Variants in CEP63 observed in about 807,000 individuals in gnomAD.
CEP63 encodes the protein centrosomal protein of 63 kDa.
Under a neutral mutation model 89.1 loss-of-function variants are expected in CEP63, and 84 were observed. That is an observed-to-expected ratio of 0.94 (90% CI 0.79 to 1.13). CEP63 has a LOEUF of 1.13. Among genes scored for constraint, CEP63 ranks in the 50% most tolerant of loss-of-function variants. CEP63 has a pLI of 0.00. For synonymous variants in CEP63, 267 were observed against 272.5 expected, an observed-to-expected ratio of 0.98 and a Z score of 0.20; for missense variants, 838 against 813.3, an observed-to-expected ratio of 1.03 and a Z score of -0.37.
the CEP63 span, among the ~76,000 whole-genome samples, chr3:134,634,306 A>G: frequency 1.3e-5 from 2 of 151,020 alleles, no homozygotes; most frequent in African/African-American, 4.9e-5. Context: ...ACTAATTTTG[A>G]AAAAAAAAGA....
At chr3:134,729,305 TA>T in the CEP63 span, among the ~76,000 whole-genome samples, 2 of 152,226 alleles carry the variant, frequency 1.3e-5, no homozygotes, top group Non-Finnish European at 2.9e-5. Context: ...AATAAGCAAT[TA>T]AAAATACTTT....
intron 9 of CEP63, among the ~76,000 whole-genome samples, 173 bp downstream of exon 9, chr3:134,547,645 C>G (rs932141719): frequency 1.6e-3 from 44 of 27,384 alleles, no homozygotes; most frequent in Non-Finnish European, 3.7e-3. Context: ...GGAGTCCGCT[C>G]TGTCACCCAG....
At chr3:134,591,921 A>T (rs370417053), downstream of CEP63, among the ~76,000 whole-genome samples, 1 of 150,662 alleles carries the variant, frequency 6.6e-6, no homozygotes, top group African/African-American at 2.4e-5. Context: ...CCAGACTGAG[A>T]TACTAAAATG....
At chr3:134,637,898 G>A in the CEP63 span, among the ~76,000 whole-genome samples, 5 of 152,222 alleles carry the variant, frequency 3.3e-5, no homozygotes, top group East Asian at 1.9e-4. Flanking sequence ...GCTCATGTTC[G>A]GAGCACGGCC....
chr3:134,767,667 C>T, the CEP63 span, among the ~76,000 whole-genome samples: 2 of 152,218 alleles, frequency 1.3e-5, no homozygotes, highest in Non-Finnish European at 2.9e-5. Flanking sequence ...CTTTTCCCGA[C>T]TCCCACACTG....
chr3:134,561,879 T>C lies in CEP63; in HGVS notation c.*344T>C. On this transcript the variant is annotated 3_prime_UTR_variant, in exon 15 of 15. Coordinates refer to ENST00000675561, the MANE Select transcript of CEP63 (RefSeq NM_001353108.3). ...AGGATTTTATGATACATGTTGAAAA[T>C]AAAGTAACTGCAGGAACTTTCTTTA... is the stretch of plus-strand genomic sequence containing the variant. The C allele has an allele frequency of 1.9e-6, 2 of 1,062,512 alleles. No homozygotes were observed. Among genetic ancestry groups the C allele is most frequent in the Non-Finnish European group, 2.3e-6 (2 of 876,270 alleles). The allele number at this position is 1,062,512 out of a possible 1,614,324, so 65.8% of individuals were successfully genotyped here. A position where few individuals can be genotyped will look rare whatever the true frequency, so the allele number is the denominator to read the frequency against.
chr3:134,748,225 C>T, the CEP63 span, among the ~76,000 whole-genome samples: 2 of 152,120 alleles, frequency 1.3e-5, no homozygotes, highest in Non-Finnish European at 2.9e-5. Context: ...TTTTTTCTGT[C>T]TTGCCTTCAC....
the CEP63 span, among the ~76,000 whole-genome samples, chr3:134,609,258 G>A: frequency 1.2e-4 from 18 of 152,160 alleles, no homozygotes; most frequent in African/African-American, 3.6e-4. Flanking sequence ...CTGTGCTGGC[G>A]GGGACCTTTT....
At chr3:134,574,897 C>A (rs890530561) in exon 12 of CEP63, 60 of 506,962 alleles carry the variant, frequency 1.2e-4, no homozygotes, top group Non-Finnish European at 1.9e-4. Flanking sequence ...TGTGAGCTAC[C>A]ACCACTGGCA....
chr3:134,578,601 G>T (rs1264785399), downstream of CEP63, among the ~76,000 whole-genome samples: 2 of 151,802 alleles, frequency 1.3e-5, no homozygotes, highest in African/African-American at 4.8e-5. Context: ...AAGTACTGGG[G>T]TTACAGGCGT....
chr3:134,629,780 A>G, the CEP63 span: 2 of 828,382 alleles, frequency 2.4e-6, no homozygotes, highest in Non-Finnish European at 4.0e-6. Flanking sequence ...GAATAAAAAA[A>G]CAATTAGTTT....
chr3:134,541,871 G>A (rs1952097634), intron 6 of CEP63, among the ~76,000 whole-genome samples: 1 of 152,050 alleles, frequency 6.6e-6, no homozygotes, highest in Non-Finnish European at 1.5e-5. Flanking sequence ...ATATTAAAAT[G>A]TATTTTATTA....
At chr3:134,510,722 C>A (rs1264662670) in intron 3 of CEP63, 1 of 506,410 alleles carries the variant, frequency 2.0e-6, no homozygotes, top group South Asian at 1.8e-5. Context: ...TCTGTATCTG[C>A]AGGGAGACTT....
At chr3:134,651,753 G>A in the CEP63 span, 46 of 360,828 alleles carry the variant, frequency 1.3e-4, no homozygotes, top group Non-Finnish European at 1.7e-4. Context: ...TGTGGGGAAG[G>A]AGGGAGGGGG....
chr3:134,700,693 A>G, the CEP63 span, among the ~76,000 whole-genome samples: 1 of 152,060 alleles, frequency 6.6e-6, no homozygotes, highest in African/African-American at 2.4e-5. Flanking sequence ...ATTAGATCAA[A>G]CCCCTAGTCC....
chr3:134,603,643 A>G, the CEP63 span: 1 of 1,612,238 alleles, frequency 6.2e-7, no homozygotes, highest in Admixed American at 1.7e-5. Context: ...ATTCTCCAGC[A>G]CCATGACATA....
the CEP63 span, among the ~76,000 whole-genome samples, chr3:134,695,263 G>T: frequency 3.3e-5 from 5 of 152,272 alleles, no homozygotes; most frequent in African/African-American, 1.2e-4. Context: ...CATCCAAGAA[G>T]AATATTGAAG....
At chr3:134,662,947 A>T in the CEP63 span, among the ~76,000 whole-genome samples, 1 of 152,200 alleles carries the variant, frequency 6.6e-6, no homozygotes, top group Non-Finnish European at 1.5e-5. Flanking sequence ...CTCTCTGGCC[A>T]GAATTTGCCA....
the CEP63 span, among the ~76,000 whole-genome samples, chr3:134,764,244 C>G: frequency 9.9e-5 from 15 of 152,236 alleles, no homozygotes; most frequent in Non-Finnish European, 1.6e-4. Context: ...CTCCCAAGTT[C>G]AGGTTGGGTT....
Sources: allele counts gnomAD v4.1 joint callset (sites outside exome capture counted in the v4.1 genomes callset), GRCh38; gene constraint gnomAD v4.1.1; transcripts MANE v1.5; gene names NCBI Gene and HGNC (gene_info 2026-07-23, HGNC 2026-07-21).